Variants in DNAH11 observed in about 807,000 individuals in gnomAD.
DNAH11 encodes dynein axonemal heavy chain 11, also known as axonemal beta dynein heavy chain 11.
In DNAH11, 442 loss-of-function variants were observed where a neutral mutation model predicts 526.0. That is an observed-to-expected ratio of 0.84 (90% CI 0.78 to 0.91). The LOEUF (loss-of-function observed/expected upper bound fraction) is 0.91, where lower values mean the gene tolerates loss of function less well. Among genes scored for constraint, DNAH11 ranks in the 40% least tolerant of loss-of-function variants. The probability of loss-of-function intolerance (pLI) is 0.00; values close to 1 mark genes in which losing one functional copy is unlikely to be tolerated. For synonymous variants in DNAH11, 2,461 were observed against 1,935.9 expected, an observed-to-expected ratio of 1.27 and a Z score of -7.12; for missense variants, 6,989 against 5,448.7, an observed-to-expected ratio of 1.28 and a Z score of -8.90.
Position 21,828,616 on chromosome 7 carries a change from T to G in DNAH11, c.10691+10277T>G, listed in dbSNP as rs536042480. 2.6e-5 allele frequency among the ~76,000 whole-genome samples: 4 copies of G among 152,292 alleles called. No homozygotes were observed. In the South Asian group the frequency reaches 8.3e-4, roughly 32 times the overall value. ...TTTATTTTCTTTTTAAAAAGCAGTC[T>G]TCCAATAAAATAACAAACAAATGAA... is the stretch of plus-strand genomic sequence containing the variant. On this transcript the variant is annotated intron_variant, in intron 65 of 81. Transcript: ENST00000409508.
At chr7:21,650,474 A>G (rs745325466) in intron 28 of DNAH11, among the ~76,000 whole-genome samples, 9 of 150,054 alleles carry the variant, frequency 6.0e-5, no homozygotes, top group African/African-American at 2.2e-4. Context: ...CTACAATTTG[A>G]TGTTTCATAG....
chr7:21,900,842 CT>C, intron 81 of DNAH11, 164 bp from the exon 82 acceptor site: 1 of 1,180,766 alleles, frequency 8.5e-7, no homozygotes, highest in South Asian at 2.0e-5. Flanking sequence ...GCAGGGTAAC[CT>C]ACCTTTCAAA....
In DNAH11 at chr7:21,655,929, G is replaced by T. The variant is rs774834963; in HGVS notation, c.5042G>T (p.Ser1681Ile). 1 of 1,612,888 alleles carries T rather than the reference G, an allele frequency of 6.2e-7. No individual in the cohort carries two copies. Among genetic ancestry groups the T allele is most frequent in the South Asian group, 1.1e-5 (1 of 90,850 alleles). ...VSAHRAVGMYSKEKEYVPFQA... is the reference protein window; with the variant it reads ...VSAHRAVGMYIKEKEYVPFQA... ...GCACACAGGGCAGTTGGAATGTACAGCAAAGAAAAGGAGTATGTCCCATTC... is the reference window on the plus strand; with the variant it reads ...GCACACAGGGCAGTTGGAATGTACATCAAAGAAAAGGAGTATGTCCCATTC... The change falls in exon 29 of 82, where the codon AGC becomes ATC. Residue 1681 changes from serine to isoleucine, a missense_variant. Coordinates refer to ENST00000409508, the MANE Select transcript of DNAH11 (RefSeq NM_001277115.2).
At chr7:21,895,297 T>C (rs778969177) in intron 79 of DNAH11, among the ~76,000 whole-genome samples, 3 of 152,080 alleles carry the variant, frequency 2.0e-5, no homozygotes, top group Non-Finnish European at 4.4e-5. Flanking sequence ...TAGATGGCAA[T>C]AGAATCCCCT....
At chr7:21,806,121 C>T (rs1325332184) in intron 62 of DNAH11, among the ~76,000 whole-genome samples, 4 of 152,130 alleles carry the variant, frequency 2.6e-5, no homozygotes, top group Non-Finnish European at 5.9e-5. Context: ...GGACATGTTC[C>T]AACTCTTAAA....
In DNAH11 at chr7:21,867,918, T is replaced by A; in HGVS notation, c.11750T>A (p.Val3917Asp). ...KYVERTRLDLVKAFEESSPAT... is the reference protein window; with the variant it reads ...KYVERTRLDLDKAFEESSPAT... ...GTGGAGAGGACCAGATTGGACTTAG[T>A]TAAAGCATTCGAAGAAAGCAGCCCA... The change falls in exon 72 of 82, where the codon GTT becomes GAT. Residue 3917 changes from valine (V) to aspartate (D), a missense_variant. Transcript: ENST00000409508. 6.3e-7 allele frequency: 1 copy of A among 1,580,830 alleles called. No individual in the cohort carries two copies. Among genetic ancestry groups the A allele is most frequent in the Non-Finnish European group, 8.6e-7 (1 of 1,162,078 alleles).
rs113520359 is a variant in DNAH11 at position 21,727,354 on chromosome 7, C to A, written c.7440+1370C>A. Among the ~76,000 whole-genome samples, 234 of 152,304 alleles carry A rather than the reference C, an allele frequency of 1.5e-3. 1 individual carries two copies. The highest frequency in any genetic ancestry group is 5.4e-3 in the African/African-American group (226 of 41,560). On this transcript the variant is annotated intron_variant, in intron 45 of 81. Transcript: ENST00000409508. ...TAAAAATTGAAGGCATATTTCTGTT[C>A]AGTGATTGTTATTTCTGAACTTACT...
At chr7:21,874,597 A>G (rs542213506) in intron 74 of DNAH11, among the ~76,000 whole-genome samples, 51 of 152,168 alleles carry the variant, frequency 3.4e-4, no homozygotes, top group Non-Finnish European at 5.0e-4. Context: ...TGGCCTCCCA[A>G]TTCCACCTTG....
intron 25 of DNAH11, among the ~76,000 whole-genome samples, chr7:21,622,681 G>A (rs1786130553): frequency 6.6e-6 from 1 of 152,068 alleles, no homozygotes; most frequent in Non-Finnish European, 1.5e-5. Flanking sequence ...ACAACTATCT[G>A]ATCTTTGACA....
At chr7:21,888,353 G>A (rs746533498) in intron 76 of DNAH11, among the ~76,000 whole-genome samples, 14 of 152,106 alleles carry the variant, frequency 9.2e-5, no homozygotes, top group East Asian at 3.9e-4. Flanking sequence ...AGTGGGGGTC[G>A]GTTTTTGTTA....
Position 21,591,489 on chromosome 7 carries a change from C to G in DNAH11, c.2579C>G (p.Ala860Gly), listed in dbSNP as rs200459876. 2 of 1,612,680 alleles carry G rather than the reference C, an allele frequency of 1.2e-6. No homozygotes were observed. The highest frequency in any genetic ancestry group is 8.5e-7 in the Non-Finnish European group (1 of 1,178,960). ...PPRREHRREAAFTLEDKGDLF... is the reference protein window; with the variant it reads ...PPRREHRREAGFTLEDKGDLF... Reference sequence around the variant, plus strand: ...AGGAGAGAGCACAGACGAGAGGCAGCCTTCACCTTGGAGGACAAGGGTGAT... The same window carrying G: ...AGGAGAGAGCACAGACGAGAGGCAGGCTTCACCTTGGAGGACAAGGGTGAT... Residue 860 changes from alanine (A) to glycine (G), a missense_variant, in exon 14 of 82, where the codon GCC becomes GGC. Physicochemically the swap from Ala to Gly is moderately conservative, Grantham distance 60 (BLOSUM62 0). Coordinates refer to ENST00000409508, the MANE Select transcript of DNAH11 (RefSeq NM_001277115.2).
At chr7:21,880,447 GTC>G (rs1229270316) in intron 74 of DNAH11, among the ~76,000 whole-genome samples, 7 of 152,218 alleles carry the variant, frequency 4.6e-5, no homozygotes, top group African/African-American at 1.7e-4. Flanking sequence ...AAAATGAACT[GTC>G]TCATTTTCTA....
At chr7:21,846,534 A>G (rs1193466153) in intron 66 of DNAH11, among the ~76,000 whole-genome samples, 1 of 152,134 alleles carries the variant, frequency 6.6e-6, no homozygotes, top group Non-Finnish European at 1.5e-5. Context: ...CTTTTGAACC[A>G]GACTTGCATA....
chr7:21,599,091 G>A (rs1004072968), intron 14 of DNAH11, among the ~76,000 whole-genome samples: 5 of 152,054 alleles, frequency 3.3e-5, no homozygotes, highest in Non-Finnish European at 7.4e-5. Flanking sequence ...ATCCCTTTTG[G>A]TGTATATCCA....
intron 65 of DNAH11, among the ~76,000 whole-genome samples, chr7:21,821,786 T>C (rs1012993456): frequency 5.3e-5 from 8 of 152,112 alleles, no homozygotes; most frequent in African/African-American, 1.7e-4. Context: ...TACTATTCTA[T>C]TGAATACTAG....
intron 42 of DNAH11, among the ~76,000 whole-genome samples, chr7:21,716,363 T>C (rs113274141): frequency 5.3e-5 from 8 of 152,338 alleles, no homozygotes; most frequent in African/African-American, 1.9e-4. Context: ...CAGATGCTAA[T>C]GTAAGCACTT....
intron 35 of DNAH11, among the ~76,000 whole-genome samples, chr7:21,696,180 C>T (rs1399246487): frequency 6.6e-6 from 1 of 151,944 alleles, no homozygotes; most frequent in Admixed American, 6.6e-5. Flanking sequence ...AGAATGTCTA[C>T]AGTTTTTAGT....
chr7:21,566,696 A>G (rs913555878), intron 6 of DNAH11, among the ~76,000 whole-genome samples: 5 of 152,030 alleles, frequency 3.3e-5, no homozygotes, highest in Admixed American at 6.6e-5. Context: ...ACCATGCTCC[A>G]TATTTTAAAA....
chr7:21,590,851 A>T, intron 12 of DNAH11, 67 bp from the exon 13 acceptor site: 3 of 963,668 alleles, frequency 3.1e-6, no homozygotes, highest in Non-Finnish European at 4.3e-6. Context: ...ATTTCAAGTT[A>T]AACTTGAGTT....
Sources: allele counts gnomAD v4.1 joint callset (sites outside exome capture counted in the v4.1 genomes callset), GRCh38; gene constraint gnomAD v4.1.1; transcripts MANE v1.5; gene names NCBI Gene and HGNC (gene_info 2026-07-23, HGNC 2026-07-21).